The following LRRC36 variants were observed in gnomAD, a reference collection of about 807,000 sequenced individuals.
The protein encoded by LRRC36 is leucine rich repeat containing 36, also known as leucine-rich repeat-containing protein 36.
In LRRC36, 62 loss-of-function variants were observed where a neutral mutation model predicts 81.1. That is an observed-to-expected ratio of 0.76 (90% confidence interval 0.62 to 0.94). The LOEUF (loss-of-function observed/expected upper bound fraction) is 0.94, where lower values mean the gene tolerates loss of function less well. Ranked by LOEUF, LRRC36 falls within the 40% of genes least tolerant of loss-of-function variation. The probability of loss-of-function intolerance (pLI) is 0.00; values close to 1 mark genes in which losing one functional copy is unlikely to be tolerated. For synonymous variants in LRRC36, 334 were observed against 348.6 expected (o/e 0.96, Z 0.47); for missense variants, 761 against 881.7 (o/e 0.86, Z 1.73).
chr16:67,368,606 CT>C (rs1175703594), intron 8 of LRRC36, among the ~76,000 whole-genome samples: 2 of 152,176 alleles, frequency 1.3e-5, no homozygotes, highest in Non-Finnish European at 2.9e-5. Context: ...AGATGCCAGA[CT>C]TTTTTCTGGG....
intron 8 of LRRC36, among the ~76,000 whole-genome samples, chr16:67,368,019 A>C (rs1020789191): frequency 7.2e-5 from 11 of 152,220 alleles, no homozygotes; most frequent in African/African-American, 2.7e-4. Flanking sequence ...AGATCGGGCC[A>C]CTGCACTCCA....
chr16:67,331,480 G>C (rs1263020116), intron 1 of LRRC36, among the ~76,000 whole-genome samples: 1 of 152,174 alleles, frequency 6.6e-6, no homozygotes, highest in East Asian at 1.9e-4. Context: ...CACTATGATA[G>C]TGCTACTGCC....
At chr16:67,360,889 T>G (rs970417087) in intron 5 of LRRC36, among the ~76,000 whole-genome samples, 1 of 152,128 alleles carries the variant, frequency 6.6e-6, no homozygotes, top group Non-Finnish European at 1.5e-5. Context: ...TCTTACATAA[T>G]CCTGCTGGAA....
chr16:67,363,591 C>G lies in LRRC36; in HGVS notation c.579C>G (p.Asp193Glu). 2.5e-6 allele frequency: 4 copies of G among 1,613,668 alleles called. No homozygotes were observed. Among genetic ancestry groups the G allele is most frequent in the Non-Finnish European group, 3.4e-6 (4 of 1,179,716 alleles). ...TGTTTGCTTTTTCTTTTAACACAGA[C>G]TCAAACAAAGGACTTTTTATTCCCT... ...SANVDSRIEMDSNKGLFIPFP... is the reference protein window; with the variant it reads ...SANVDSRIEMESNKGLFIPFP... Residue 193 changes from aspartate to glutamate, a missense_variant and splice_region_variant, in exon 6 of 14, where the codon GAC (aspartate) becomes GAG (glutamate). Physicochemically the swap from Asp to Glu is conservative, Grantham distance 45 (BLOSUM62 2). Transcript: ENST00000329956.
chr16:67,361,755 C>T (rs564805553), intron 5 of LRRC36, among the ~76,000 whole-genome samples: 4 of 151,820 alleles, frequency 2.6e-5, no homozygotes, highest in South Asian at 2.1e-4. Context: ...TTAGTAGAGA[C>T]GGAGTTTCAC....
At position 67,376,735 on chromosome 16, in the gene LRRC36, C is replaced by T. The variant is rs772745615; in HGVS notation, c.1669C>T (p.Arg557Ter). 9.9e-6 allele frequency: 16 copies of T among 1,611,158 alleles called. No homozygotes were observed. Among genetic ancestry groups the T allele is most frequent in the Non-Finnish European group, 1.0e-5 (12 of 1,177,624 alleles). ...TCCTGAATTTTTGGCAGGTCCTGCCCGAGATTTGCTTCTGTCTTTGGTAGT... is the reference window on the plus strand; with the variant it reads ...TCCTGAATTTTTGGCAGGTCCTGCCTGAGATTTGCTTCTGTCTTTGGTAGT... ...LLNKKFLGPARDLLLSLVVPA... is the reference protein window; with the variant it reads ...LLNKKFLGPA The change falls in exon 11 of 14, where the codon CGA becomes TGA. Residue 557 changes from arginine to a stop codon, truncating the protein, a stop_gained. Coordinates refer to ENST00000329956, the MANE Select transcript of LRRC36 (RefSeq NM_018296.6). LOFTEE classifies it high-confidence loss of function.
At chr16:67,367,493 T>TCAGGTAACAGCTTCCTGTCAGTTTAC (rs1193827687) in intron 8 of LRRC36, 36 bp downstream of exon 8, 11 of 1,553,974 alleles carry the variant, frequency 7.1e-6, no homozygotes, top group Non-Finnish European at 8.7e-6. Flanking sequence ...GTCTTCTTCA[T>TCAGGTAACAGCTTCCTGTCAGTTTAC]AGGCATGAAG....
intron 1 of LRRC36, among the ~76,000 whole-genome samples, chr16:67,332,396 A>G (rs1188596004): frequency 1.3e-5 from 2 of 152,040 alleles, no homozygotes; most frequent in Non-Finnish European, 2.9e-5. Context: ...TACTAAAAAT[A>G]CAAAAAAATT....
intron 1 of LRRC36, among the ~76,000 whole-genome samples, chr16:67,334,029 T>TTTCA: frequency 6.6e-6 from 1 of 152,168 alleles, no homozygotes; most frequent in Admixed American, 6.5e-5. Context: ...TTATTATTAT[T>TTTCA]TTTATTTATT....
chr16:67,371,161 G>A lies in LRRC36; in HGVS notation c.1413G>A (p.Ser471=), dbSNP rs149241778. The A allele has an allele frequency of 9.3e-6, 15 of 1,614,066 alleles. No individual in the cohort carries two copies. The highest frequency in any genetic ancestry group is 6.7e-5 in the Admixed American group (4 of 59,998). The change falls in exon 9 of 14, where the codon TCG becomes TCA. Residue 471 remains serine, a synonymous_variant. Coordinates refer to ENST00000329956, the MANE Select transcript of LRRC36 (RefSeq NM_018296.6). The part of the protein sequence containing the change: ...KIFTKRSLSP[S]KRGFKWKDNI... ...TTACCAAGAGGTCACTAAGCCCATCGAAGAGAGGATTCAAATGGAAGGACA... is the reference window on the plus strand; with the variant it reads ...TTACCAAGAGGTCACTAAGCCCATCAAAGAGAGGATTCAAATGGAAGGACA...
At chr16:67,360,382 G>A (rs2039088688) in intron 5 of LRRC36, among the ~76,000 whole-genome samples, 1 of 152,180 alleles carries the variant, frequency 6.6e-6, no homozygotes, top group Non-Finnish European at 1.5e-5. Flanking sequence ...CTGGAAAAGA[G>A]CATATGTGCT....
intron 12 of LRRC36, among the ~76,000 whole-genome samples, chr16:67,381,907 G>A (rs1055716800): frequency 3.3e-5 from 5 of 152,136 alleles, no homozygotes; most frequent in South Asian, 2.1e-4. Flanking sequence ...GTGAGCCACC[G>A]TGCCTGGCCC....
At chr16:67,378,428 C>T (rs549096836) in intron 11 of LRRC36, among the ~76,000 whole-genome samples, 161 bp from the exon 12 acceptor site, 22 of 151,958 alleles carry the variant, frequency 1.4e-4, no homozygotes, top group African/African-American at 4.8e-4. Flanking sequence ...TTAGTAGAGA[C>T]GGGGTTTCAC....
At chr16:67,363,197 A>G (rs915895924) in intron 5 of LRRC36, among the ~76,000 whole-genome samples, 10 of 152,236 alleles carry the variant, frequency 6.6e-5, no homozygotes, top group African/African-American at 2.4e-4. Context: ...CCAGGAGTCT[A>G]TTCCCAGCAT....
At chr16:67,359,491 G>A (rs949494632) in intron 5 of LRRC36, among the ~76,000 whole-genome samples, 2 of 152,130 alleles carry the variant, frequency 1.3e-5, no homozygotes, top group African/African-American at 4.8e-5. Context: ...GGAAAAATTG[G>A]GAATGACAGC....
intron 7 of LRRC36, among the ~76,000 whole-genome samples, chr16:67,365,991 C>T (rs2039366188): frequency 6.6e-6 from 1 of 152,138 alleles, no homozygotes; most frequent in African/African-American, 2.4e-5. Flanking sequence ...CTTACAGTGG[C>T]ACATACTTTA....
intron 8 of LRRC36, among the ~76,000 whole-genome samples, chr16:67,369,027 T>A (rs1295201717): frequency 6.6e-6 from 1 of 152,236 alleles, no homozygotes; most frequent in Non-Finnish European, 1.5e-5. Context: ...ATCTTAAGTT[T>A]CAGGTGCCTT....
intron 1 of LRRC36, among the ~76,000 whole-genome samples, chr16:67,334,265 C>T (rs1017394642): frequency 2.6e-4 from 39 of 151,934 alleles, no homozygotes; most frequent in Middle Eastern, 3.4e-3. Context: ...GTGATCCGCC[C>T]GCCTCGGCTT....
intron 11 of LRRC36, among the ~76,000 whole-genome samples, chr16:67,377,978 C>A (rs765558665): frequency 2.6e-5 from 4 of 152,148 alleles, no homozygotes; most frequent in Non-Finnish European, 5.9e-5. Flanking sequence ...ACACCAAGTT[C>A]AGTTCTAGAA....
Sources: gnomAD v4.1 joint callset for allele counts (sites outside exome capture counted in the v4.1 genomes callset) on GRCh38, gnomAD v4.1.1 for gene constraint, MANE v1.5 for transcripts, NCBI Gene and HGNC (gene_info 2026-07-23, HGNC 2026-07-21) for gene names.